Variants in RAB27B observed in about 807,000 individuals in gnomAD.
RAB27B encodes the protein RAB27B, member RAS oncogene family.
In RAB27B, 15 loss-of-function variants were observed where a neutral mutation model predicts 24.6. The ratio of observed to expected loss-of-function variants is 0.61; its 90% confidence interval spans 0.41 to 0.94. The LOEUF is 0.94. Ranked by LOEUF, RAB27B falls within the 40% of genes least tolerant of loss-of-function variation. The probability of loss-of-function intolerance (pLI) is 0.00; values close to 1 mark genes in which losing one functional copy is unlikely to be tolerated. For synonymous variants in RAB27B, 105 were observed against 92.5 expected (o/e 1.14, Z -0.78); for missense variants, 261 against 266.8 (o/e 0.98, Z 0.15).
chr18:54,731,963 C>A (rs912878462), intron 2 of RAB27B, among the ~76,000 whole-genome samples: 14 of 152,114 alleles, frequency 9.2e-5, no homozygotes, highest in African/African-American at 3.4e-4. Flanking sequence ...TCCCATTTGT[C>A]TAAATTCAAA....
At chr18:54,842,029 G>A (rs1431139779) in intron 1 of RAB27B, among the ~76,000 whole-genome samples, 2 of 152,220 alleles carry the variant, frequency 1.3e-5, no homozygotes, top group African/African-American at 4.8e-5. Context: ...ATGAACATGT[G>A]TGTGTGACTG....
chr18:54,835,521 C>T lies in RAB27B; in HGVS notation c.-20+6821C>T, dbSNP rs148032986. On this transcript the variant is annotated intron_variant, in intron 1 of 5. Transcript: ENST00000262094. ...CTGCCTCTCAAGGTTTGGAAGTAAA[C>T]GCTTCTATTAGGAAGAACCTAGGAA... 1.2e-3 allele frequency among the ~76,000 whole-genome samples: 185 copies of T among 151,976 alleles called. 3 individuals are homozygous for T. Among genetic ancestry groups the T allele is most frequent in the African/African-American group, 4.0e-3 (165 of 41,334 alleles).
chr18:54,888,056 A>G lies in RAB27B; in HGVS notation c.405A>G (p.Ala135=), dbSNP rs1407234138. 15 of 1,613,358 alleles carry G rather than the reference A, an allele frequency of 9.3e-6. No homozygotes were observed. Among genetic ancestry groups the G allele is most frequent in the Non-Finnish European group, 1.2e-5 (14 of 1,179,460 alleles). Residue 135 remains alanine (A), a synonymous_variant, in exon 5 of 6, where the codon GCA becomes GCG. Coordinates refer to ENST00000262094, the MANE Select transcript of RAB27B (RefSeq NM_004163.4). ...ATATAGTATTAATTGGCAACAAGGC[A>G]GACCTACCAGATCAGAGGGAAGTCA... ...NPDIVLIGNK[A]DLPDQREVNE...
chr18:54,728,117 A>G (rs1416336655), intron 2 of RAB27B, among the ~76,000 whole-genome samples: 1 of 152,194 alleles, frequency 6.6e-6, no homozygotes, highest in Non-Finnish European at 1.5e-5. Context: ...GTATATACCA[A>G]CAGGCTCCAG....
At position 54,890,121 on chromosome 18, in the gene RAB27B, A is replaced by C. The variant is rs1252870978; in HGVS notation, c.*708A>C. The C allele has an allele frequency of 2.0e-5, 3 of 152,134 alleles. No individual in the cohort carries two copies. Among genetic ancestry groups the C allele is most frequent in the African/African-American group, 2.4e-5 (1 of 41,454 alleles). 9.4% of individuals were successfully genotyped at this position (152,134 alleles called of 1,614,324 possible). A position where few individuals can be genotyped will look rare whatever the true frequency, so the allele number is the denominator to read the frequency against. On this transcript the variant is annotated 3_prime_UTR_variant, in exon 6 of 6. Transcript: ENST00000262094. ...ACAAATACCCTGGGAAAAAAAATGAAAGTATGAGAAATTGGCATTTCTACA... is the reference window on the plus strand; with the variant it reads ...ACAAATACCCTGGGAAAAAAAATGACAGTATGAGAAATTGGCATTTCTACA...
intron 2 of RAB27B, among the ~76,000 whole-genome samples, chr18:54,808,621 C>T (rs145050345): frequency 5.9e-5 from 9 of 152,256 alleles, no homozygotes; most frequent in East Asian, 3.9e-4. Flanking sequence ...GGTTAGTTTA[C>T]GATTGATCAT....
At position 54,742,084 on chromosome 18, in the gene RAB27B, A is replaced by G. The variant is rs148345852; in HGVS notation, c.-20+23943A>G. 8.2e-4 allele frequency among the ~76,000 whole-genome samples: 125 copies of G among 152,334 alleles called. 1 individual carries two copies. The highest frequency in any genetic ancestry group is 2.7e-3 in the African/African-American group (114 of 41,574). On this transcript the variant is annotated intron_variant, in intron 2 of 4. Transcript: ENST00000586570. ...TTTTCATAGAGGAGTGAATGTTTTC[A>G]TATGCAAAGCTTGAAAGGGAAAGAG...
At chr18:54,740,392 A>G (rs949378160) in intron 2 of RAB27B, among the ~76,000 whole-genome samples, 14 of 152,206 alleles carry the variant, frequency 9.2e-5, no homozygotes, top group African/African-American at 3.4e-4. Context: ...TTGAATAAAC[A>G]TTTTAGTATT....
intron 2 of RAB27B, among the ~76,000 whole-genome samples, chr18:54,744,024 G>T (rs1460212316): frequency 2.6e-5 from 4 of 152,154 alleles, no homozygotes; most frequent in Non-Finnish European, 2.9e-5. Context: ...CATCCCTCGA[G>T]ATAATTTGGG....
At chr18:54,757,994 A>G (rs1414079074) in intron 2 of RAB27B, among the ~76,000 whole-genome samples, 2 of 152,044 alleles carry the variant, frequency 1.3e-5, no homozygotes, top group African/African-American at 4.8e-5. Context: ...TTTTTTTGAG[A>G]TGGAGTTTCA....
intron 2 of RAB27B, among the ~76,000 whole-genome samples, chr18:54,727,472 C>G (rs1909574770): frequency 1.3e-5 from 2 of 152,090 alleles, no homozygotes; most frequent in Non-Finnish European, 2.9e-5. Context: ...TGAATAAGGG[C>G]AGGCAATTAA....
chr18:54,884,574 C>A (rs937693849), intron 4 of RAB27B, 138 bp downstream of exon 4: 28 of 573,810 alleles, frequency 4.9e-5, no homozygotes, highest in Non-Finnish European at 8.1e-5. Flanking sequence ...GCCTGTGCCA[C>A]TGTGTCACCT....
At chr18:54,850,788 T>C (rs957557714) in intron 1 of RAB27B, among the ~76,000 whole-genome samples, 1 of 150,768 alleles carries the variant, frequency 6.6e-6, no homozygotes, top group African/African-American at 2.4e-5. Flanking sequence ...TAATAAAATA[T>C]TAATTTAAAT....
At chr18:54,871,453 A>G (rs1912460758) in intron 1 of RAB27B, among the ~76,000 whole-genome samples, 2 of 152,230 alleles carry the variant, frequency 1.3e-5, no homozygotes, top group South Asian at 4.1e-4. Flanking sequence ...GACATAACCC[A>G]ATCCAACAAA....
intron 4 of RAB27B, among the ~76,000 whole-genome samples, chr18:54,885,034 C>T (rs865811599): frequency 3.9e-5 from 6 of 152,032 alleles, no homozygotes; most frequent in African/African-American, 1.2e-4. Context: ...GTGGAAACTT[C>T]GATATAGTAC....
At position 54,766,078 on chromosome 18, in the gene RAB27B, A is replaced by G. The variant is rs1445266806; in HGVS notation, c.-20+47937A>G. Among the ~76,000 whole-genome samples, 3 of 152,194 alleles carry G rather than the reference A, an allele frequency of 2.0e-5. 1 individual carries two copies. The highest frequency in any genetic ancestry group is 4.4e-5 in the Non-Finnish European group (3 of 68,028). On this transcript the variant is annotated intron_variant, in intron 2 of 4. Transcript: ENST00000586570. ...ACATTTTTAGAATGAATGGTCAACA[A>G]TCACACGTCCAGAATTGCCTGAGAA...
chr18:54,875,638 G>T (rs1369051734), intron 1 of RAB27B, among the ~76,000 whole-genome samples: 1 of 151,914 alleles, frequency 6.6e-6, no homozygotes, highest in African/African-American at 2.4e-5. Flanking sequence ...AAGCTTTAGA[G>T]CAAAAGTATG....
upstream of RAB27B, among the ~76,000 whole-genome samples, chr18:54,826,386 G>A (rs1910476112): frequency 6.6e-6 from 1 of 152,102 alleles, no homozygotes; most frequent in African/African-American, 2.4e-5. Flanking sequence ...TTCATGGAGT[G>A]GCCAAGCAAC....
At chr18:54,851,606 T>G (rs924430407) in intron 1 of RAB27B, among the ~76,000 whole-genome samples, 3 of 152,226 alleles carry the variant, frequency 2.0e-5, no homozygotes, top group Non-Finnish European at 4.4e-5. Context: ...AAACTGGGTG[T>G]CCTGAATTTT....
Sources: allele counts gnomAD v4.1 joint callset (sites outside exome capture counted in the v4.1 genomes callset), GRCh38; gene constraint gnomAD v4.1.1; transcripts MANE v1.5; gene names NCBI Gene and HGNC (gene_info 2026-07-23, HGNC 2026-07-21).